SEM1: variants seen among roughly 807,000 people sequenced by gnomAD.
The protein encoded by SEM1 is 26S proteasome complex subunit SEM1.
In SEM1, 3 loss-of-function variants were observed where a neutral mutation model predicts 12.7. The observed-to-expected ratio is 0.24, with a 90% CI of 0.11 to 0.61. The LOEUF is 0.61. Among genes scored for constraint, SEM1 ranks in the 20% least tolerant of loss-of-function variants. The pLI, the probability that SEM1 is intolerant of heterozygous loss-of-function variation, is 0.88. For synonymous variants in SEM1, 30 were observed against 27.8 expected (o/e 1.08, Z -0.25); for missense variants, 59 against 81.3 (o/e 0.73, Z 1.06).
Position 96,577,597 on chromosome 7 carries a change from A to G in SEM1, c.171-70899T>C, listed in dbSNP as rs190326678. ...TTCAAAACCACAAAGAAGCCTTTAC[A>G]TGGATTTGGGGATGGATTTCAAAGA... On this transcript the variant is annotated intron_variant and NMD_transcript_variant, in intron 2 of 3. Transcript: ENST00000466986. Among the ~76,000 whole-genome samples, 799 of 152,260 alleles carry G rather than the reference A, an allele frequency of 5.2e-3. 11 individuals carry two copies. Among genetic ancestry groups the G allele is most frequent in the African/African-American group, 0.018 (763 of 41,552 alleles).
chr7:96,639,770 G>A (rs918693285), intron 2 of SEM1, among the ~76,000 whole-genome samples: 2 of 151,766 alleles, frequency 1.3e-5, no homozygotes, highest in Admixed American at 6.6e-5. Context: ...GTAAAATACT[G>A]TCAAGAAGAT....
intron 2 of SEM1, among the ~76,000 whole-genome samples, chr7:96,547,690 G>T (rs1444683448): frequency 2.0e-5 from 3 of 152,012 alleles, no homozygotes; most frequent in Non-Finnish European, 4.4e-5. Context: ...TTTTACAATG[G>T]CACTTTCCCC....
chr7:96,688,198 T>C (rs1199088423), downstream of SEM1: 1 of 152,178 alleles, frequency 6.6e-6, no homozygotes, highest in African/African-American at 2.4e-5. Context: ...GCTATCACTC[T>C]GTGAAAACTC....
chr7:96,699,000 T>C (rs1471981242), intron 1 of SEM1, among the ~76,000 whole-genome samples: 1 of 152,156 alleles, frequency 6.6e-6, no homozygotes, highest in Non-Finnish European at 1.5e-5. Context: ...TTTAATTCCA[T>C]AAAATTTACA....
At position 96,644,577 on chromosome 7, in the gene SEM1, G is replaced by A. The variant is rs1448004842; in HGVS notation, c.171-21934C>T. Among the ~76,000 whole-genome samples, 7 of 152,126 alleles carry A rather than the reference G, an allele frequency of 4.6e-5. No individual in the cohort carries two copies. The South Asian group carries it at 8.3e-4, about 18-fold the overall frequency. ...AAGGAGGGACTGTTCAGAACAGCCC[G>A]GGCTCTGTTCCTATCTATTCTAAAC... On this transcript the variant is annotated intron_variant, in intron 2 of 2. Transcript: ENST00000417009.
intron 2 of SEM1, among the ~76,000 whole-genome samples, chr7:96,578,484 C>A (rs1806279969): frequency 1.3e-5 from 2 of 151,904 alleles, no homozygotes; most frequent in South Asian, 4.2e-4. Context: ...AGTTGTATAG[C>A]CAGTGAAACA....
chr7:96,553,590 G>T (rs1379539652), intron 2 of SEM1, among the ~76,000 whole-genome samples: 64 of 152,226 alleles, frequency 4.2e-4, no homozygotes, highest in African/African-American at 1.5e-3. Flanking sequence ...CTGTTTTGGT[G>T]ACTGTAGCCT....
chr7:96,663,269 A>T (rs2116534232), intron 2 of SEM1, among the ~76,000 whole-genome samples: 1 of 152,368 alleles, frequency 6.6e-6, no homozygotes, highest in East Asian at 1.9e-4. Context: ...TATATGTTTT[A>T]AAATTTCCAT....
Position 96,650,634 on chromosome 7 carries a change from C to T in SEM1, c.171-27991G>A, listed in dbSNP as rs1808945664. The T allele has an allele frequency of 3.4e-5, 22 of 645,984 alleles. No homozygotes were observed. In the South Asian group the frequency reaches 3.9e-4, roughly 11 times the overall value. The allele number at this position is 645,984 out of a possible 1,614,324, so 40.0% of individuals were successfully genotyped here. ...ATTACTTAGAATTTAAATGAAACCC[C>T]CCAAGTTCCAAATTTAAACACAAAC... On this transcript the variant is annotated intron_variant, in intron 2 of 2. Coordinates refer to the SEM1 transcript ENST00000417009.
chr7:96,531,220 A>G (rs1299872301), intron 2 of SEM1, among the ~76,000 whole-genome samples: 1 of 152,010 alleles, frequency 6.6e-6, no homozygotes, highest in Admixed American at 6.6e-5. Context: ...CTCTAATAGG[A>G]AAAATATGAA....
intron 1 of SEM1, among the ~76,000 whole-genome samples, chr7:96,489,448 T>C (rs1238011097): frequency 6.6e-6 from 1 of 152,188 alleles, no homozygotes; most frequent in African/African-American, 2.4e-5. Flanking sequence ...ATGAAGACTT[T>C]GAAAGCCACC....
intron 2 of SEM1, among the ~76,000 whole-genome samples, chr7:96,689,746 T>C (rs1349504216): frequency 3.3e-5 from 5 of 152,206 alleles, no homozygotes; most frequent in African/African-American, 1.2e-4. Context: ...CTAATTTCCA[T>C]AAATTATATC....
At chr7:96,665,459 T>C (rs1420921932) in intron 2 of SEM1, among the ~76,000 whole-genome samples, 1 of 152,208 alleles carries the variant, frequency 6.6e-6, no homozygotes, top group Non-Finnish European at 1.5e-5. Context: ...GCAAAGGAAA[T>C]GTAGCAACTC....
intron 1 of SEM1, among the ~76,000 whole-genome samples, chr7:96,492,940 T>C (rs1803081765): frequency 6.6e-6 from 1 of 152,076 alleles, no homozygotes; most frequent in Non-Finnish European, 1.5e-5. Flanking sequence ...CTGGTGTATA[T>C]TCAAAAGTAG....
At chr7:96,502,356 G>A (rs1419503247) in intron 3 of SEM1, among the ~76,000 whole-genome samples, 1 of 151,796 alleles carries the variant, frequency 6.6e-6, no homozygotes, top group Non-Finnish European at 1.5e-5. Flanking sequence ...TTTAAACAAG[G>A]CCTTTGTTCA....
intron 2 of SEM1, among the ~76,000 whole-genome samples, chr7:96,544,996 G>A (rs769604227): frequency 3.3e-5 from 5 of 151,998 alleles, no homozygotes; most frequent in Non-Finnish European, 5.9e-5. Flanking sequence ...AGGGTCAGCT[G>A]TCTTTTAAAG....
chr7:96,514,927 A>T (rs1584727995), intron 2 of SEM1, among the ~76,000 whole-genome samples: 1 of 152,230 alleles, frequency 6.6e-6, no homozygotes, highest in African/African-American at 2.4e-5. Flanking sequence ...TTATATGGAA[A>T]GGCAAAAAGA....
intron 2 of SEM1, chr7:96,646,057 C>T (rs1290720223): frequency 1.3e-5 from 5 of 395,412 alleles, no homozygotes. Context: ...ATATATCCCT[C>T]CCTATTCCTT....
intron 1 of SEM1, among the ~76,000 whole-genome samples, chr7:96,700,933 G>C (rs1250356039): frequency 6.6e-6 from 1 of 151,508 alleles, no homozygotes. Flanking sequence ...ACATTATTAA[G>C]TACTTGTGGA....
Sources: allele counts gnomAD v4.1 joint callset (sites outside exome capture counted in the v4.1 genomes callset), GRCh38; gene constraint gnomAD v4.1.1; transcripts MANE v1.5; gene names NCBI Gene and HGNC (gene_info 2026-07-23, HGNC 2026-07-21).